The following RIMS2 variants were observed in gnomAD, a reference collection of about 807,000 sequenced individuals.
RIMS2 encodes the protein regulating synaptic membrane exocytosis 2.
Under a neutral mutation model 174.4 loss-of-function variants are expected in RIMS2, and 59 were observed. The ratio of observed to expected loss-of-function variants is 0.34; its 90% CI spans 0.27 to 0.42. The LOEUF (loss-of-function observed/expected upper bound fraction) is 0.42. Among genes scored for constraint, RIMS2 ranks in the 10% least tolerant of loss-of-function variants. RIMS2 has a pLI of 1.00. For missense variants in RIMS2, 1,620 were observed against 1,666.3 expected, an observed-to-expected ratio of 0.97 and a Z score of 0.48; for synonymous variants, 606 against 572.5, an observed-to-expected ratio of 1.06 and a Z score of -0.84.
chr8:104,201,285 AT>A (rs1250205790), intron 19 of RIMS2, among the ~76,000 whole-genome samples: 1 of 152,154 alleles, frequency 6.6e-6, no homozygotes, highest in Non-Finnish European at 1.5e-5. Context: ...TTTGTGGGAA[AT>A]TTTTAATTGC....
At chr8:104,097,846 C>T (rs1246049201) in intron 19 of RIMS2, among the ~76,000 whole-genome samples, 1 of 152,112 alleles carries the variant, frequency 6.6e-6, no homozygotes, top group African/African-American at 2.4e-5. Flanking sequence ...TTTGCCATTA[C>T]TTTTAATGGC....
intron 19 of RIMS2, among the ~76,000 whole-genome samples, chr8:104,208,945 A>G (rs776156939): frequency 6.6e-6 from 1 of 152,244 alleles, no homozygotes; most frequent in Non-Finnish European, 1.5e-5. Flanking sequence ...TTTAAGATTT[A>G]ATACAGTCTA....
chr8:103,986,138 A>G (rs969178368), intron 16 of RIMS2, among the ~76,000 whole-genome samples: 6 of 152,230 alleles, frequency 3.9e-5, no homozygotes, highest in African/African-American at 1.4e-4. Flanking sequence ...AATGTTAAAT[A>G]GCTTGATTTA....
intron 19 of RIMS2, among the ~76,000 whole-genome samples, chr8:104,128,612 G>A (rs921301093): frequency 6.6e-6 from 1 of 152,062 alleles, no homozygotes; most frequent in South Asian, 2.1e-4. Context: ...CAGGAGAATC[G>A]CTTGAACCTG....
chr8:104,053,458 C>T (rs373742780), intron 19 of RIMS2, among the ~76,000 whole-genome samples: 20 of 152,174 alleles, frequency 1.3e-4, no homozygotes, highest in Admixed American at 5.2e-4. Flanking sequence ...TTGGGAGATT[C>T]AGTATAAGAA....
At chr8:104,203,264 A>G (rs1401642851) in intron 19 of RIMS2, among the ~76,000 whole-genome samples, 1 of 152,154 alleles carries the variant, frequency 6.6e-6, no homozygotes, top group Non-Finnish European at 1.5e-5. Context: ...TTATGTGCAG[A>G]AAAGAATTAA....
At chr8:104,142,121 T>C (rs1445875912) in intron 19 of RIMS2, among the ~76,000 whole-genome samples, 2 of 40,832 alleles carry the variant, frequency 4.9e-5, no homozygotes, top group South Asian at 3.2e-3. Context: ...AATATCTTCC[T>C]TTTTTTTTTT....
intron 19 of RIMS2, among the ~76,000 whole-genome samples, chr8:104,222,919 A>C (rs1298139259): frequency 6.6e-6 from 1 of 152,198 alleles, no homozygotes; most frequent in Non-Finnish European, 1.5e-5. Flanking sequence ...CATTTTTAAC[A>C]AAGAGAGTAA....
At chr8:103,826,164 A>G (rs918096558) in intron 3 of RIMS2, among the ~76,000 whole-genome samples, 1 of 152,070 alleles carries the variant, frequency 6.6e-6, no homozygotes, top group Non-Finnish European at 1.5e-5. Context: ...GTTTTCTCCC[A>G]TTCTGTGGTT....
intron 4 of RIMS2, among the ~76,000 whole-genome samples, chr8:103,893,572 C>T (rs1309643518): frequency 6.6e-6 from 1 of 152,016 alleles, no homozygotes; most frequent in African/African-American, 2.4e-5. Flanking sequence ...TTCAGCCCAT[C>T]ACTTTTCTGT....
chr8:104,229,571 C>T (rs191913687), intron 19 of RIMS2, among the ~76,000 whole-genome samples: 2 of 152,292 alleles, frequency 1.3e-5, no homozygotes, highest in Non-Finnish European at 2.9e-5. Context: ...CTGTTAGGAA[C>T]CCATGAGCAT....
chr8:103,555,957 C>T (rs546801310), intron 1 of RIMS2, among the ~76,000 whole-genome samples: 24 of 152,012 alleles, frequency 1.6e-4, no homozygotes, highest in African/African-American at 5.3e-4. Flanking sequence ...GAATACTGGA[C>T]GATTTCACTT....
intron 1 of RIMS2, among the ~76,000 whole-genome samples, chr8:103,507,467 G>A (rs1226743305): frequency 6.6e-6 from 1 of 151,858 alleles, no homozygotes; most frequent in Non-Finnish European, 1.5e-5. Flanking sequence ...AATATTAATC[G>A]GGTGAATGAA....
At chr8:103,786,898 G>C (rs1165723718) in intron 3 of RIMS2, among the ~76,000 whole-genome samples, 1 of 151,840 alleles carries the variant, frequency 6.6e-6, no homozygotes, top group Admixed American at 6.6e-5. Flanking sequence ...ATTAATGTGT[G>C]GGAGTCTAAG....
chr8:103,501,118 A>C (rs1819495468), intron 1 of RIMS2, 56 bp downstream of exon 1: 1 of 1,372,480 alleles, frequency 7.3e-7, no homozygotes, highest in Non-Finnish European at 9.8e-7. Context: ...CCCCTCGCCC[A>C]CTGCCCTGCG....
At chr8:103,754,777 G>C (rs1033064082) in intron 2 of RIMS2, among the ~76,000 whole-genome samples, 1 of 152,004 alleles carries the variant, frequency 6.6e-6, no homozygotes, top group Non-Finnish European at 1.5e-5. Context: ...CTTTCCACCT[G>C]CTTGGTAGAT....
At chr8:103,851,652 C>T (rs1593794285) in intron 3 of RIMS2, among the ~76,000 whole-genome samples, 1 of 79,906 alleles carries the variant, frequency 1.3e-5, no homozygotes, top group East Asian at 2.2e-4. Context: ...TGTACACACA[C>T]ACACACACAC....
At chr8:103,966,581 G>C (rs1373773168) in intron 15 of RIMS2, among the ~76,000 whole-genome samples, 1 of 151,924 alleles carries the variant, frequency 6.6e-6, no homozygotes, top group Non-Finnish European at 1.5e-5. Flanking sequence ...TTCTGATTTT[G>C]TTGATTTTCT....
chr8:103,664,754 G>T (rs1490507728), intron 1 of RIMS2, among the ~76,000 whole-genome samples: 1 of 152,126 alleles, frequency 6.6e-6, no homozygotes, highest in Non-Finnish European at 1.5e-5. Flanking sequence ...AATGCCATTT[G>T]ACCCAGAAAT....
Sources: allele counts gnomAD v4.1 joint callset (sites outside exome capture counted in the v4.1 genomes callset), GRCh38; gene constraint gnomAD v4.1.1; transcripts MANE v1.5; gene names NCBI Gene and HGNC (gene_info 2026-07-23, HGNC 2026-07-21).